TMEM74: variants seen among roughly 807,000 people sequenced by gnomAD.
TMEM74 encodes transmembrane protein 74.
Under a neutral mutation model 18.1 loss-of-function variants are expected in TMEM74, and 13 were observed. The ratio of observed to expected loss-of-function variants is 0.72; its 90% CI spans 0.47 to 1.14. The LOEUF (loss-of-function observed/expected upper bound fraction) is 1.14. Ranked by LOEUF, TMEM74 falls within the 50% of genes most tolerant of loss-of-function variation. TMEM74 has a pLI of 0.00. For synonymous variants in TMEM74, 159 were observed against 146.6 expected (o/e 1.08, Z -0.61); for missense variants, 372 against 375.9 (o/e 0.99, Z 0.09).
chr8:108,751,202 A>G (rs1231440291), intron 1 of TMEM74, among the ~76,000 whole-genome samples: 1 of 152,116 alleles, frequency 6.6e-6, no homozygotes, highest in Non-Finnish European at 1.5e-5. Flanking sequence ...CTGTTTGCAC[A>G]ACCTCCCCAA....
chr8:108,695,428 A>G (rs1208611427), intron 1 of TMEM74, among the ~76,000 whole-genome samples: 1 of 152,222 alleles, frequency 6.6e-6, no homozygotes, highest in Non-Finnish European at 1.5e-5. Context: ...CAAGGACCTT[A>G]TATAGACCAG....
chr8:108,698,458 C>A (rs574710050), intron 1 of TMEM74, among the ~76,000 whole-genome samples: 2 of 152,144 alleles, frequency 1.3e-5, no homozygotes, highest in East Asian at 1.9e-4. Flanking sequence ...GACATAATTA[C>A]GTTATTTAAT....
chr8:108,777,214 C>A (rs879267289), downstream of TMEM74, among the ~76,000 whole-genome samples: 2 of 152,150 alleles, frequency 1.3e-5, no homozygotes, highest in Admixed American at 1.3e-4. Flanking sequence ...GGTTCTGAAG[C>A]CTTTATTATT....
At chr8:108,644,122 C>T (rs758687575) in intron 2 of TMEM74, among the ~76,000 whole-genome samples, 2 of 152,052 alleles carry the variant, frequency 1.3e-5, no homozygotes, top group African/African-American at 2.4e-5. Context: ...CTACAGTAAC[C>T]GAAACAGTAC....
chr8:108,678,819 C>T (rs1288070241), intron 1 of TMEM74, among the ~76,000 whole-genome samples: 3 of 151,192 alleles, frequency 2.0e-5, no homozygotes, highest in Non-Finnish European at 4.4e-5. Context: ...CATATGTATA[C>T]ATGTGCCATG....
intron 1 of TMEM74, among the ~76,000 whole-genome samples, chr8:108,664,547 G>A (rs2130584215): frequency 6.6e-6 from 1 of 152,124 alleles, no homozygotes; most frequent in South Asian, 2.1e-4. Context: ...AGAGAACATG[G>A]GTTTTTCTAG....
chr8:108,661,524 C>T (rs116925958), intron 1 of TMEM74, among the ~76,000 whole-genome samples: 1 of 151,848 alleles, frequency 6.6e-6, no homozygotes, highest in Non-Finnish European at 1.5e-5. Flanking sequence ...ATGGATCACT[C>T]TTATCCCTTA....
intron 1 of TMEM74, among the ~76,000 whole-genome samples, chr8:108,729,606 C>T (rs1813674740): frequency 6.6e-6 from 1 of 152,202 alleles, no homozygotes; most frequent in Admixed American, 6.5e-5. Context: ...TAAAACTATG[C>T]TTTGTCTATG....
chr8:108,633,049 T>TA lies in TMEM74; in HGVS notation n.264+22243dup, dbSNP rs202080714. Among the ~76,000 whole-genome samples the TA allele has an allele frequency of 5.6e-3, 850 of 151,970 alleles. 7 individuals are homozygous for TA. Among genetic ancestry groups the TA allele is most frequent in the African/African-American group, 0.02 (817 of 41,478 alleles). ...CAGCAATCCTCTTCTTTCAGAGTAA[T>TA]AAAAAAATCACACATTTATGACTTG... is the stretch of plus-strand genomic sequence containing the variant. On this transcript the variant is annotated intron_variant and non_coding_transcript_variant, in intron 2 of 3. Coordinates refer to the TMEM74 transcript ENST00000518838.
chr8:108,761,452 A>T (rs1814042805), intron 1 of TMEM74, among the ~76,000 whole-genome samples: 1 of 152,132 alleles, frequency 6.6e-6, no homozygotes, highest in South Asian at 2.1e-4. Flanking sequence ...ATCCTTACAA[A>T]TGACAGCCAT....
chr8:108,681,818 G>C (rs1909031), intron 1 of TMEM74, among the ~76,000 whole-genome samples: 37,119 of 152,004 alleles, frequency 0.24, 4,611 homozygotes, highest in East Asian at 0.29. Flanking sequence ...ATGGTAAATT[G>C]TATGTTGTGT....
intron 1 of TMEM74, among the ~76,000 whole-genome samples, chr8:108,668,797 T>C (rs962288326): frequency 2.0e-5 from 3 of 152,118 alleles, no homozygotes; most frequent in Non-Finnish European, 4.4e-5. Context: ...CATTAAAAAC[T>C]TTTTTGTCAA....
At chr8:108,660,030 G>A (rs1010623564) in intron 1 of TMEM74, among the ~76,000 whole-genome samples, 12 of 152,038 alleles carry the variant, frequency 7.9e-5, no homozygotes, top group Admixed American at 3.3e-4. Flanking sequence ...ACCTAACCCC[G>A]CTTCCTCTGC....
chr8:108,755,148 G>T (rs1813947082), intron 1 of TMEM74, among the ~76,000 whole-genome samples: 1 of 152,070 alleles, frequency 6.6e-6, no homozygotes, highest in African/African-American at 2.4e-5. Flanking sequence ...GAAACTGCAG[G>T]CTGTCTCCAG....
intron 1 of TMEM74, among the ~76,000 whole-genome samples, chr8:108,705,248 A>C (rs1813385575): frequency 6.6e-6 from 1 of 152,220 alleles, no homozygotes; most frequent in South Asian, 2.1e-4. Flanking sequence ...AAGACCTAAA[A>C]GTGTGATGGA....
intron 2 of TMEM74, among the ~76,000 whole-genome samples, chr8:108,620,095 G>A (rs871997): frequency 3.9e-5 from 6 of 151,930 alleles, no homozygotes; most frequent in African/African-American, 1.2e-4. Context: ...CATTGGTACA[G>A]CTATCACTGT....
At chr8:108,735,252 A>G (rs997635435) in intron 1 of TMEM74, among the ~76,000 whole-genome samples, 5 of 152,202 alleles carry the variant, frequency 3.3e-5, no homozygotes, top group Admixed American at 2.0e-4. Context: ...GTATAATTCA[A>G]TGGATTTTAA....
chr8:108,759,344 A>G (rs1814013914), intron 1 of TMEM74, among the ~76,000 whole-genome samples: 1 of 152,146 alleles, frequency 6.6e-6, no homozygotes, highest in Non-Finnish European at 1.5e-5. Context: ...GACAGTATCT[A>G]TCAAAACGTA....
intron 2 of TMEM74, among the ~76,000 whole-genome samples, chr8:108,636,282 G>C (rs370984103): frequency 5.3e-5 from 8 of 152,062 alleles, no homozygotes; most frequent in African/African-American, 1.7e-4. Flanking sequence ...AGCCCAGAGA[G>C]TTGGCAGAGA....
Sources: gnomAD v4.1 joint callset for allele counts (sites outside exome capture counted in the v4.1 genomes callset) on GRCh38, gnomAD v4.1.1 for gene constraint, MANE v1.5 for transcripts, NCBI Gene and HGNC (gene_info 2026-07-23, HGNC 2026-07-21) for gene names.